TENM2: variants seen among roughly 807,000 people sequenced by gnomAD.
TENM2 encodes teneurin-2.
A neutral mutation model predicts 245.2 loss-of-function variants in TENM2; 52 were observed. That is an observed-to-expected ratio of 0.21 (90% CI 0.17 to 0.27). The LOEUF (loss-of-function observed/expected upper bound fraction) is 0.27. Among genes scored for constraint, TENM2 ranks in the 10% least tolerant of loss-of-function variants. The pLI, the probability that TENM2 is intolerant of heterozygous loss-of-function variation, is 1.00. For synonymous variants in TENM2, 1,363 were observed against 1,438.9 expected, an observed-to-expected ratio of 0.95 and a Z score of 1.19; for missense variants, 3,046 against 3,666.8, an observed-to-expected ratio of 0.83 and a Z score of 4.37.
chr5:167,939,110 G>T (rs190492763), intron 3 of TENM2, among the ~76,000 whole-genome samples: 1 of 152,098 alleles, frequency 6.6e-6, no homozygotes, highest in African/African-American at 2.4e-5. Flanking sequence ...GACTCCCTGC[G>T]CATGGCTTTT....
At chr5:167,635,224 G>T (rs2150228631) in intron 2 of TENM2, among the ~76,000 whole-genome samples, 1 of 152,216 alleles carries the variant, frequency 6.6e-6, no homozygotes, top group Non-Finnish European at 1.5e-5. Context: ...ATGTGGGTTT[G>T]TGCCTTTACA....
intron 2 of TENM2, among the ~76,000 whole-genome samples, chr5:167,513,892 G>A (rs969652062): frequency 1.3e-5 from 2 of 152,112 alleles, no homozygotes; most frequent in African/African-American, 4.8e-5. Flanking sequence ...ATTCTCCTGG[G>A]TCTCACCGTG....
intron 5 of TENM2, among the ~76,000 whole-genome samples, chr5:168,000,569 G>T (rs1302116963): frequency 6.6e-6 from 1 of 152,226 alleles, no homozygotes; most frequent in Admixed American, 6.5e-5. Flanking sequence ...AATGGTAGAT[G>T]CATGCAACTC....
chr5:167,465,606 G>T (rs1028782599), intron 2 of TENM2, among the ~76,000 whole-genome samples: 7 of 152,208 alleles, frequency 4.6e-5, no homozygotes, highest in African/African-American at 1.7e-4. Flanking sequence ...GAGGCAGGCG[G>T]ATCACGAGGT....
At chr5:167,158,347 C>T in the TENM2 span, among the ~76,000 whole-genome samples, 1 of 152,140 alleles carries the variant, frequency 6.6e-6, no homozygotes, top group Non-Finnish European at 1.5e-5. Flanking sequence ...CAACCCTTAC[C>T]ATTTCCCTAA....
chr5:167,961,075 G>A (rs1443600717), intron 4 of TENM2, among the ~76,000 whole-genome samples: 4 of 152,238 alleles, frequency 2.6e-5, no homozygotes, highest in Admixed American at 2.6e-4. Flanking sequence ...ACTTCAGTTA[G>A]AAATGCAGAA....
At chr5:167,843,413 A>C (rs1352177550) in intron 2 of TENM2, among the ~76,000 whole-genome samples, 2 of 152,200 alleles carry the variant, frequency 1.3e-5, no homozygotes, top group African/African-American at 2.4e-5. Flanking sequence ...ATTTCGAATT[A>C]ATCATTTTGA....
At chr5:167,034,208 G>T in the TENM2 span, among the ~76,000 whole-genome samples, 1 of 152,200 alleles carries the variant, frequency 6.6e-6, no homozygotes, top group Non-Finnish European at 1.5e-5. Flanking sequence ...CTTGAGGCAT[G>T]ATAGATTCGC....
intron 2 of TENM2, among the ~76,000 whole-genome samples, chr5:167,846,100 T>G (rs73370917): frequency 0.073 from 11,088 of 152,166 alleles, 1,330 homozygotes; most frequent in African/African-American, 0.25. Context: ...TGGGTTGCAA[T>G]GTCCCTGAAA....
chr5:167,236,976 A>G, the TENM2 span, among the ~76,000 whole-genome samples: 1 of 151,648 alleles, frequency 6.6e-6, no homozygotes, highest in Non-Finnish European at 1.5e-5. Context: ...TATCCAAGGT[A>G]AATGTCTATA....
the TENM2 span, among the ~76,000 whole-genome samples, chr5:167,038,003 A>G: frequency 0.63 from 96,434 of 152,164 alleles, 32,575 homozygotes; most frequent in African/African-American, 0.88. Context: ...TTCTCTGCCC[A>G]CTTTGTGGGA....
At chr5:168,248,807 G>C (rs1766828682) in intron 27 of TENM2, among the ~76,000 whole-genome samples, 1 of 152,174 alleles carries the variant, frequency 6.6e-6, no homozygotes, top group South Asian at 2.1e-4. Context: ...ATCCTACAGA[G>C]TGATCATGAC....
the TENM2 span, among the ~76,000 whole-genome samples, chr5:167,242,702 A>C: frequency 6.6e-6 from 1 of 152,214 alleles, no homozygotes; most frequent in Non-Finnish European, 1.5e-5. Flanking sequence ...GTAAGAATAC[A>C]GTATGTAATA....
At chr5:168,160,802 G>A (rs565763853) in intron 12 of TENM2, among the ~76,000 whole-genome samples, 29 of 151,974 alleles carry the variant, frequency 1.9e-4, no homozygotes, top group Non-Finnish European at 3.2e-4. Context: ...GAGGCTGGAG[G>A]GTCATTTGAG....
intron 27 of TENM2, among the ~76,000 whole-genome samples, chr5:168,257,634 T>TG (rs1767791616): frequency 7.3e-6 from 1 of 137,528 alleles, no homozygotes; most frequent in Admixed American, 7.6e-5. Context: ...TTTTTTTTTT[T>TG]GTGACGGAGT....
the TENM2 span, among the ~76,000 whole-genome samples, chr5:167,276,821 T>C: frequency 6.6e-6 from 1 of 152,162 alleles, no homozygotes; most frequent in Admixed American, 6.5e-5. Context: ...ATGGTTATTT[T>C]TTATTTTTCC....
At chr5:167,512,568 A>T (rs190586447) in intron 2 of TENM2, among the ~76,000 whole-genome samples, 1 of 152,332 alleles carries the variant, frequency 6.6e-6, no homozygotes, top group East Asian at 1.9e-4. Flanking sequence ...TGAATAAGGA[A>T]AAAAGGAATA....
intron 2 of TENM2, among the ~76,000 whole-genome samples, chr5:167,824,950 G>A (rs1767836878): frequency 6.6e-6 from 1 of 152,134 alleles, no homozygotes; most frequent in Admixed American, 6.6e-5. Flanking sequence ...CCTGCAAAGG[G>A]AACTCACCCT....
intron 10 of TENM2, among the ~76,000 whole-genome samples, chr5:168,119,755 T>C (rs1310149286): frequency 1.3e-5 from 2 of 151,984 alleles, no homozygotes; most frequent in African/African-American, 4.8e-5. Context: ...CCCTCCCATG[T>C]CCCCAACAGA....
Sources: gnomAD v4.1 joint callset for allele counts (sites outside exome capture counted in the v4.1 genomes callset) on GRCh38, gnomAD v4.1.1 for gene constraint, MANE v1.5 for transcripts, NCBI Gene and HGNC (gene_info 2026-07-23, HGNC 2026-07-21) for gene names.